The following NCOA2 variants were observed in gnomAD, a reference collection of about 807,000 sequenced individuals.
NCOA2 encodes the protein class E basic helix-loop-helix protein 75.
In NCOA2, 21 loss-of-function variants were observed where a neutral mutation model predicts 145.1. The ratio of observed to expected loss-of-function variants is 0.14; its 90% confidence interval spans 0.10 to 0.21. NCOA2 has a LOEUF of 0.21. Ranked by LOEUF, NCOA2 falls within the 10% of genes least tolerant of loss-of-function variation. The probability of loss-of-function intolerance (pLI) is 1.00; values close to 1 mark genes in which losing one functional copy is unlikely to be tolerated. For missense variants in NCOA2, 1,472 were observed against 1,837.6 expected, an observed-to-expected ratio of 0.80 and a Z score of 3.64; for synonymous variants, 619 against 637.5, an observed-to-expected ratio of 0.97 and a Z score of 0.44.
rs539173293 is a variant in NCOA2 at position 70,332,922 on chromosome 8, A to C, written c.-76-36122T>G. Among the ~76,000 whole-genome samples, 21 of 152,314 alleles carry C rather than the reference A, an allele frequency of 1.4e-4. No individual in the cohort carries two copies. In the South Asian group the frequency reaches 4.3e-3, roughly 32 times the overall value. On this transcript the variant is annotated intron_variant, in intron 1 of 22. Coordinates refer to ENST00000452400, the MANE Select transcript of NCOA2 (RefSeq NM_006540.4). ...TTTATTCATGGAGTACAATGCCTAG[A>C]ACTTTATAGTCATTAACTACAGTTA...
intron 1 of NCOA2, among the ~76,000 whole-genome samples, chr8:70,366,856 C>G (rs753692926): frequency 2.6e-5 from 4 of 152,014 alleles, no homozygotes; most frequent in African/African-American, 4.8e-5. Context: ...AGCCACAATT[C>G]ACACACTTTG....
At chr8:70,196,988 T>G (rs1294198310) in intron 4 of NCOA2, among the ~76,000 whole-genome samples, 1 of 152,218 alleles carries the variant, frequency 6.6e-6, no homozygotes, top group East Asian at 1.9e-4. Flanking sequence ...TGAGGCAGTC[T>G]CACAGATCTA....
the NCOA2 span, among the ~76,000 whole-genome samples, chr8:70,444,931 T>C: frequency 4.6e-5 from 7 of 152,226 alleles, no homozygotes; most frequent in African/African-American, 1.7e-4. Context: ...TTTATTAATT[T>C]CTTTCACTTA....
intron 2 of NCOA2, among the ~76,000 whole-genome samples, chr8:70,281,434 C>A (rs1825874328): frequency 7.0e-6 from 1 of 143,466 alleles, no homozygotes; most frequent in Admixed American, 7.0e-5. Flanking sequence ...GTTGCATTAA[C>A]TTAAATCTCT....
the NCOA2 span, among the ~76,000 whole-genome samples, chr8:70,445,560 T>G: frequency 2.0e-5 from 3 of 152,180 alleles, no homozygotes; most frequent in African/African-American, 7.2e-5. Flanking sequence ...TTCTGGGCCT[T>G]TTATCCTTTA....
rs1353608198 is a variant in NCOA2 at position 70,109,826 on chromosome 8, C to T, written c.*3806G>A. ...AATTTATTAAATGATGCAATAACAA[C>T]AGAATTCTTTATTTACAATAGCATT... On this transcript the variant is annotated 3_prime_UTR_variant, in exon 23 of 23. Transcript: ENST00000452400. 1 of 179,114 alleles carries T rather than the reference C, an allele frequency of 5.6e-6. No individual in the cohort carries two copies. The highest frequency in any genetic ancestry group is 1.2e-5 in the Non-Finnish European group (1 of 83,610). The allele number at this position is 179,114 out of a possible 1,614,324, so 11.1% of individuals were successfully genotyped here.
At chr8:70,361,202 A>G (rs950088560) in intron 1 of NCOA2, among the ~76,000 whole-genome samples, 2 of 152,280 alleles carry the variant, frequency 1.3e-5, no homozygotes, top group East Asian at 1.9e-4. Flanking sequence ...AACATTTACA[A>G]TGAAAATTCT....
At chr8:70,225,193 G>C (rs1452649228) in intron 2 of NCOA2, among the ~76,000 whole-genome samples, 1 of 152,172 alleles carries the variant, frequency 6.6e-6, no homozygotes, top group Non-Finnish European at 1.5e-5. Flanking sequence ...AGTAGGGAGA[G>C]GGTGGGGAAT....
At chr8:70,304,856 CTTTTTT>C (rs34611471) in intron 1 of NCOA2, among the ~76,000 whole-genome samples, 1 of 125,734 alleles carries the variant, frequency 8.0e-6, no homozygotes, top group Non-Finnish European at 1.7e-5. Flanking sequence ...AAGTAACTAG[CTTTTTT>C]TTTTTTTTTT....
At chr8:70,448,788 T>C in the NCOA2 span, among the ~76,000 whole-genome samples, 5 of 143,430 alleles carry the variant, frequency 3.5e-5, no homozygotes, top group African/African-American at 1.3e-4. Flanking sequence ...TATCATACAA[T>C]GAGACTTGTT....
At chr8:70,444,290 G>A in the NCOA2 span, among the ~76,000 whole-genome samples, 3 of 152,184 alleles carry the variant, frequency 2.0e-5, no homozygotes, top group Non-Finnish European at 4.4e-5. Flanking sequence ...TCCTTGAAAT[G>A]ACAAAATTAC....
chr8:70,237,307 A>T (rs778320330), intron 2 of NCOA2, among the ~76,000 whole-genome samples: 7 of 151,918 alleles, frequency 4.6e-5, no homozygotes, highest in Non-Finnish European at 8.8e-5. Flanking sequence ...GCGCTGTCTG[A>T]CTCTAAGCCT....
chr8:70,156,903 G>T lies in NCOA2; in HGVS notation c.1462C>A (p.Pro488Thr), dbSNP rs1002049611. The T allele has an allele frequency of 6.2e-7, 1 of 1,614,032 alleles. No homozygotes were observed. The highest frequency in any genetic ancestry group is 8.5e-7 in the Non-Finnish European group (1 of 1,179,896). ...NPGQPTSMLS[P>T]RHRMSPGVAG... ...ACTCCAGGGCTCATGCGATGCCTTGGTGAAAGCATGGAGGTGGGCTGTCCT... is the reference window on the plus strand; with the variant it reads ...ACTCCAGGGCTCATGCGATGCCTTGTTGAAAGCATGGAGGTGGGCTGTCCT... The change falls in exon 11 of 23, where the codon CCA (proline) becomes ACA (threonine). Residue 488 changes from proline (P) to threonine (T), a missense_variant. Around this residue, in one of 4 missense-constraint regions of NCOA2, gnomAD observed 953 missense variants for 1,062.1 expected, o/e 0.90. Transcript: ENST00000452400.
At chr8:70,222,351 A>G (rs1183109459) in intron 2 of NCOA2, among the ~76,000 whole-genome samples, 1 of 152,224 alleles carries the variant, frequency 6.6e-6, no homozygotes, top group Non-Finnish European at 1.5e-5. Context: ...GATTAAAGAA[A>G]ATAACATATC....
rs180677921 is a variant in NCOA2, at chr8:70,356,591, T to C, written c.-77+47109A>G. 3.2e-3 allele frequency among the ~76,000 whole-genome samples: 493 copies of C among 152,296 alleles called. 3 individuals are homozygous for C. The highest frequency in any genetic ancestry group is 0.011 in the African/African-American group (465 of 41,556). ...TAATAGTTATAAATAAATATCCTTT[T>C]TCCTAAAAAACAAGCAGATCACAAA... On this transcript the variant is annotated intron_variant, in intron 1 of 22. Transcript: ENST00000452400.
At chr8:70,249,977 A>AAAAAAG (rs751876043) in intron 2 of NCOA2, among the ~76,000 whole-genome samples, 37 of 137,910 alleles carry the variant, frequency 2.7e-4, no homozygotes, top group African/African-American at 5.3e-4. Context: ...AAAAAAAAAA[A>AAAAAAG]AAGAAGAAGA....
At chr8:70,144,904 T>C in intron 12 of NCOA2, 56 bp from the exon 13 acceptor site, 16 of 1,452,730 alleles carry the variant, frequency 1.1e-5, no homozygotes, top group Non-Finnish European at 1.5e-5. Context: ...GAAAATAATA[T>C]TAACAGTAGT....
intron 11 of NCOA2, among the ~76,000 whole-genome samples, chr8:70,153,498 C>T (rs1238851528): frequency 1.3e-5 from 2 of 152,190 alleles, no homozygotes; most frequent in African/African-American, 4.8e-5. Flanking sequence ...GGCCCCTTTC[C>T]TTGACCCTCT....
At chr8:70,270,462 C>G (rs1050604161) in intron 2 of NCOA2, among the ~76,000 whole-genome samples, 1 of 152,020 alleles carries the variant, frequency 6.6e-6, no homozygotes, top group South Asian at 2.1e-4. Flanking sequence ...TGGCATGCAA[C>G]TGACGGCCAC....
Sources: allele counts gnomAD v4.1 joint callset (sites outside exome capture counted in the v4.1 genomes callset), GRCh38; gene constraint gnomAD v4.1.1; regional missense constraint gnomAD v4.1.1; transcripts MANE v1.5; gene names NCBI Gene and HGNC (gene_info 2026-07-23, HGNC 2026-07-21).